The following CLIC6 variants were observed in gnomAD, a reference collection of about 807,000 sequenced individuals.
The protein encoded by CLIC6 is chloride intracellular channel protein 6.
A neutral mutation model predicts 49.2 loss-of-function variants in CLIC6; 39 were observed. The ratio of observed to expected loss-of-function variants is 0.79; its 90% CI spans 0.61 to 1.04. The LOEUF is 1.04. Ranked by LOEUF, CLIC6 falls within the 50% of genes least tolerant of loss-of-function variation. CLIC6 has a pLI of 0.00. For synonymous variants in CLIC6, 446 were observed against 433.4 expected, an observed-to-expected ratio of 1.03 and a Z score of -0.36; for missense variants, 988 against 993.1, an observed-to-expected ratio of 0.99 and a Z score of 0.07.
In CLIC6 at chr21:34,670,586, G is replaced by A; in HGVS notation, c.1198G>A (p.Gly400Arg). 1 of 1,528,280 alleles carries A rather than the reference G, an allele frequency of 6.5e-7. No homozygotes were observed. 94.7% of individuals were successfully genotyped at this position (1,528,280 alleles called of 1,614,324 possible). ...EEESPDSSPH[G>R]EASRGAAEPE... is the part of the protein sequence containing the mutation. ...GGAATCCCCCGACAGCAGCCCACAT[G>A]GGGAGGCCTCCAGGGGCGCCGCGGA... The change falls in exon 1 of 6, where the codon GGG (glycine) becomes AGG (arginine). Residue 400 changes from glycine to arginine, a missense_variant. Gly to Arg is a moderately radical substitution (Grantham distance 125). Transcript: ENST00000349499.
rs141578749 is a variant in CLIC6 at position 34,690,646 on chromosome 21, G to A, written c.1375-16634G>A. ...GGTTGCTGTGTTCGCCATATGATTCGCAGCCAGTTAGGGACATTGGTTTCC... is the reference window on the plus strand; with the variant it reads ...GGTTGCTGTGTTCGCCATATGATTCACAGCCAGTTAGGGACATTGGTTTCC... On this transcript the variant is annotated intron_variant, in intron 1 of 5. Transcript: ENST00000349499. 2.6e-3 allele frequency among the ~76,000 whole-genome samples: 397 copies of A among 152,108 alleles called. 1 individual carries two copies. The highest frequency in any genetic ancestry group is 7.2e-3 in the African/African-American group (300 of 41,482).
intron 1 of CLIC6, among the ~76,000 whole-genome samples, chr21:34,686,965 G>A (rs889136483): frequency 2.0e-5 from 3 of 152,178 alleles, no homozygotes; most frequent in African/African-American, 4.8e-5. Context: ...CAGAAGGATC[G>A]CCCAGGCAAA....
Position 34,690,198 on chromosome 21 carries a change from G to A in CLIC6, c.1375-17082G>A, listed in dbSNP as rs528687287. On this transcript the variant is annotated intron_variant, in intron 1 of 5. Coordinates refer to ENST00000349499, the MANE Select transcript of CLIC6 (RefSeq NM_053277.3). ...TGGTCCGGCTCACAGCTCAGAGAGG[G>A]TGAGGGCACAGCGCTGCCTGGATAT... 3.9e-5 allele frequency among the ~76,000 whole-genome samples: 6 copies of A among 152,304 alleles called. No homozygotes were observed. In the South Asian group the frequency reaches 1.0e-3, roughly 26 times the overall value.
intron 5 of CLIC6, among the ~76,000 whole-genome samples, chr21:34,714,992 G>A (rs1487619691): frequency 1.3e-5 from 2 of 152,212 alleles, no homozygotes; most frequent in Non-Finnish European, 2.9e-5. Context: ...GGCATTCAAG[G>A]AAGAGGTGTC....
At chr21:34,690,052 C>G (rs977990592) in intron 1 of CLIC6, among the ~76,000 whole-genome samples, 2 of 152,126 alleles carry the variant, frequency 1.3e-5, no homozygotes, top group Admixed American at 1.3e-4. Context: ...GTCTGTTTCC[C>G]ATAGTTGGAT....
At chr21:34,684,474 A>T (rs976657133) in intron 1 of CLIC6, among the ~76,000 whole-genome samples, 2 of 152,232 alleles carry the variant, frequency 1.3e-5, no homozygotes, top group African/African-American at 4.8e-5. Context: ...TGCACAACAG[A>T]TGGATGTATG....
intron 1 of CLIC6, among the ~76,000 whole-genome samples, chr21:34,695,711 A>C (rs1049080525): frequency 6.6e-6 from 1 of 152,240 alleles, no homozygotes; most frequent in Non-Finnish European, 1.5e-5. Context: ...CTACATGAGG[A>C]AGTGGCCTTA....
intron 1 of CLIC6, among the ~76,000 whole-genome samples, chr21:34,687,144 T>TG (rs1384447819): frequency 2.6e-5 from 4 of 152,032 alleles, no homozygotes; most frequent in Admixed American, 2.6e-4. Flanking sequence ...CAGGGCCAGA[T>TG]GGGAGGTGTG....
chr21:34,691,029 G>T (rs916185030), intron 1 of CLIC6, among the ~76,000 whole-genome samples: 1 of 152,126 alleles, frequency 6.6e-6, no homozygotes, highest in Non-Finnish European at 1.5e-5. Context: ...CCATATAGTT[G>T]TAGTCACTCA....
At chr21:34,706,252 G>A (rs1434254893) in intron 1 of CLIC6, among the ~76,000 whole-genome samples, 1 of 152,152 alleles carries the variant, frequency 6.6e-6, no homozygotes, top group Non-Finnish European at 1.5e-5. Context: ...GAGCAAGAGA[G>A]AGGGAAGTGC....
Position 34,707,437 on chromosome 21 carries a change from G to GCACACACACACACACACACA in CLIC6, c.1484+62_1484+81dup, listed in dbSNP as rs10657933. On this transcript the variant is annotated intron_variant, in intron 2 of 5. Coordinates refer to ENST00000349499, the MANE Select transcript of CLIC6 (RefSeq NM_053277.3). Reference sequence around the variant, plus strand: ...CTGAAATAACTGTACCTAGTTCTCTGCACACACACACACACACACACACAC... The same window carrying GCACACACACACACACACACA: ...CTGAAATAACTGTACCTAGTTCTCTGCACACACACACACACACACACACACACACACACACACACACACAC... 1.3e-3 allele frequency: 926 copies of GCACACACACACACACACACA among 736,912 alleles called. 7 individuals carry two copies. The highest frequency in any genetic ancestry group is 6.3e-3 in the African/African-American group (337 of 53,220). 45.6% of individuals were successfully genotyped at this position (736,912 alleles called of 1,614,324 possible). A position where few individuals can be genotyped will look rare whatever the true frequency, so the allele number is the denominator to read the frequency against.
At chr21:34,707,718 A>G (rs2056025424) in intron 2 of CLIC6, among the ~76,000 whole-genome samples, 1 of 152,142 alleles carries the variant, frequency 6.6e-6, no homozygotes, top group Non-Finnish European at 1.5e-5. Flanking sequence ...GTTTGTTGAT[A>G]TGCCCCTTTG....
chr21:34,715,808 G>A (rs138559254), intron 5 of CLIC6, among the ~76,000 whole-genome samples: 25 of 152,286 alleles, frequency 1.6e-4, no homozygotes, highest in African/African-American at 6.0e-4. Context: ...GCACAGGCGG[G>A]CCCCACGATC....
intron 1 of CLIC6, among the ~76,000 whole-genome samples, chr21:34,706,920 G>A (rs919470197): frequency 3.3e-5 from 5 of 152,166 alleles, no homozygotes; most frequent in African/African-American, 7.2e-5. Flanking sequence ...GGAAGGAAAG[G>A]GCGTGTCTTT....
chr21:34,712,891 C>T (rs1433021483), intron 5 of CLIC6, among the ~76,000 whole-genome samples: 6 of 150,398 alleles, frequency 4.0e-5, no homozygotes, highest in Admixed American at 2.7e-4. Context: ...TAACCCTAAC[C>T]GTAACTCTAA....
In CLIC6 at chr21:34,716,367, C is replaced by T. The variant is rs377400896; in HGVS notation, c.1946C>T (p.Thr649Ile). Reference protein sequence around the residue: ...YRDFEFPSEMTGIWRYLNNAY... With the variant: ...YRDFEFPSEMIGIWRYLNNAY... The stretch of plus-strand genomic sequence containing the variant: ...GATTTTGAATTTCCTTCTGAAATGA[C>T]TGGCATCTGGAGATACTTGAATAAT... The change falls in exon 6 of 6, where the codon ACT becomes ATT. Residue 649 changes from threonine to isoleucine, a missense_variant. Physicochemically the swap from Thr to Ile is moderately conservative, Grantham distance 89 (BLOSUM62 -1). Around this residue, in one of 3 missense-constraint regions of CLIC6, gnomAD observed 647 missense variants for 596.9 expected, o/e 1.08. Coordinates refer to ENST00000349499, the MANE Select transcript of CLIC6 (RefSeq NM_053277.3). The T allele has an allele frequency of 1.2e-6, 2 of 1,613,386 alleles. No individual in the cohort carries two copies. Among genetic ancestry groups the T allele is most frequent in the Non-Finnish European group, 1.7e-6 (2 of 1,179,732 alleles).
chr21:34,690,734 G>T (rs1312445725), intron 1 of CLIC6, among the ~76,000 whole-genome samples: 2 of 152,168 alleles, frequency 1.3e-5, no homozygotes, highest in Admixed American at 1.3e-4. Context: ...CTCCTCAACT[G>T]CTTTATGGAC....
rs376511276 is a variant in CLIC6 at position 34,709,425 on chromosome 21, G to T, written c.1786G>T (p.Glu596Ter). Reference protein sequence around the residue: ...DNYLNSPLPDEIDAYSTEDVT... With the variant: ...DNYLNSPLPD ...TTACTTAAATAGCCCTCTGCCTGAT[G>T]AAATAGATGCCTACAGCACCGAGGA... The change falls in exon 5 of 6, where the codon GAA becomes TAA. Residue 596 changes from glutamate (E) to a stop codon, truncating the protein, a stop_gained. Transcript: ENST00000349499. LOFTEE classifies it high-confidence loss of function. 2.5e-6 allele frequency: 4 copies of T among 1,613,974 alleles called. No individual in the cohort carries two copies. Among genetic ancestry groups the T allele is most frequent in the Non-Finnish European group, 8.5e-7 (1 of 1,179,946 alleles).
At position 34,716,931 on chromosome 21, in the gene CLIC6, T is replaced by A. The variant is rs2056091261; in HGVS notation, c.*449T>A. 1 of 153,586 alleles carries A rather than the reference T, an allele frequency of 6.5e-6. No individual in the cohort carries two copies. The highest frequency in any genetic ancestry group is 1.9e-4 in the East Asian group (1 of 5,188). 9.5% of individuals were successfully genotyped at this position (153,586 alleles called of 1,614,324 possible). ...ATTCATATATGGTATTGCATTATTT[T>A]ATTTTAAAGCACTGGTGAGGGGACC... On this transcript the variant is annotated 3_prime_UTR_variant, in exon 6 of 6. Coordinates refer to ENST00000349499, the MANE Select transcript of CLIC6 (RefSeq NM_053277.3).
Sources: gnomAD v4.1 joint callset for allele counts (sites outside exome capture counted in the v4.1 genomes callset) on GRCh38, gnomAD v4.1.1 for gene constraint, gnomAD v4.1.1 regional missense constraint, MANE v1.5 for transcripts, NCBI Gene and HGNC (gene_info 2026-07-23, HGNC 2026-07-21) for gene names.